Variants in RTL1 observed in about 807,000 individuals in gnomAD.
RTL1 encodes the protein retrotransposon-like protein 1.
For missense variants in RTL1, 1,681 were observed against 1,767.5 expected, an observed-to-expected ratio of 0.95 and a Z score of 0.88; for synonymous variants, 727 against 748.4, an observed-to-expected ratio of 0.97 and a Z score of 0.47.
Position 100,883,462 on chromosome 14 carries a change from C to G in RTL1, c.1327G>C (p.Ala443Pro). ...TAGAGCTCGACGTAGTGCTCTTGGG[C>G]GAACTTCTCATCCATGAAGTTGCCG... ...ADGNFMDEKF[A>P]QEHYVELYEK... The change falls in exon 4 of 4, where the codon GCC becomes CCC. Residue 443 changes from alanine (A) to proline (P), a missense_variant. Transcript: ENST00000649591. The surrounding 1 kb of genome is among the most constrained non-coding windows in gnomAD (Gnocchi z 5.9). 1.3e-6 allele frequency: 2 copies of G among 1,551,106 alleles called. No homozygotes were observed. The highest frequency in any genetic ancestry group is 1.7e-6 in the Non-Finnish European group (2 of 1,146,814).
At chr14:100,898,594 G>C (rs1423454638) in intron 2 of RTL1, among the ~76,000 whole-genome samples, 1 of 152,244 alleles carries the variant, frequency 6.6e-6, no homozygotes, top group Non-Finnish European at 1.5e-5. Context: ...TTTAGGGTCT[G>C]TCTTGGAACT....
intron 2 of RTL1, among the ~76,000 whole-genome samples, chr14:100,894,271 C>T (rs1283931321): frequency 7.0e-6 from 1 of 143,762 alleles, no homozygotes; most frequent in Non-Finnish European, 1.5e-5. Context: ...GATCATGCCA[C>T]TGCACTCCAA....
chr14:100,882,051 A>T lies in RTL1; in HGVS notation c.2738T>A (p.Ile913Asn). 6.2e-7 allele frequency: 1 copy of T among 1,612,468 alleles called. No individual in the cohort carries two copies. The highest frequency in any genetic ancestry group is 8.5e-7 in the Non-Finnish European group (1 of 1,179,284). The change falls in exon 4 of 4, where the codon ATC (isoleucine) becomes AAC (asparagine). Residue 913 changes from isoleucine to asparagine, a missense_variant. Transcript: ENST00000649591. ...CAFYSRNISPIEVEYSQAEMK... is the reference protein window; with the variant it reads ...CAFYSRNISPNEVEYSQAEMK... ...CTCCGCTTGAGAGTACTCAACCTCG[A>T]TAGGGGAGATGTTGCGGGAGTAGAA...
intron 2 of RTL1, among the ~76,000 whole-genome samples, chr14:100,900,482 C>A (rs932280978): frequency 2.0e-5 from 3 of 152,214 alleles, no homozygotes; most frequent in African/African-American, 7.2e-5. Flanking sequence ...TATTTCTCTG[C>A]GGCCATATGT....
intron 2 of RTL1, among the ~76,000 whole-genome samples, chr14:100,899,245 C>T (rs182817288): frequency 1.3e-5 from 2 of 152,190 alleles, no homozygotes; most frequent in African/African-American, 4.8e-5. Flanking sequence ...GCGGGAGTAG[C>T]GTCTCAGTGT....
chr14:100,883,561 A>C lies in RTL1; in HGVS notation c.1228T>G (p.Phe410Val). 1 of 1,551,504 alleles carries C rather than the reference A, an allele frequency of 6.4e-7. No homozygotes were observed. The highest frequency in any genetic ancestry group is 1.7e-4 in the Middle Eastern group (1 of 5,992). ...VHPDINRAHL[F>V]LLLMVRVNPY... ...TTCACTCTCACCATGAGCAGCAGGA[A>C]GAGGTGGGCGCGATTGATGTCCGGA... is the stretch of plus-strand genomic sequence containing the variant. Residue 410 changes from phenylalanine (F) to valine (V), a missense_variant, in exon 4 of 4, where the codon TTC becomes GTC. By Grantham distance (50) the Phe-to-Val change is conservative. Coordinates refer to ENST00000649591, the MANE Select transcript of RTL1 (RefSeq NM_001134888.3). This position sits in a 1 kb window ranked among gnomAD's most constrained non-coding sequence, Gnocchi z 5.9.
At chr14:100,885,184 G>A (rs1218817328) in intron 3 of RTL1, among the ~76,000 whole-genome samples, 1 of 152,212 alleles carries the variant, frequency 6.6e-6, no homozygotes, top group Non-Finnish European at 1.5e-5. Context: ...CGTGGCAGGC[G>A]GGTACCTGGC....
Position 100,881,384 on chromosome 14 carries a change from G to C in RTL1, c.3405C>G (p.Gly1135=). 1.9e-6 allele frequency: 3 copies of C among 1,550,724 alleles called. No individual in the cohort carries two copies. Among genetic ancestry groups the C allele is most frequent in the Non-Finnish European group, 2.6e-6 (3 of 1,146,984 alleles). ...RLILDSSLIA[G]SSITTAITQL... ...GGGTGATGGCTGTCGTGATGCTGCT[G>C]CCTGCGATGAGGGACGAATCCAGGA... Residue 1135 remains glycine, a synonymous_variant, in exon 4 of 4, where the codon GGC becomes GGG. Transcript: ENST00000649591. The surrounding 1 kb of genome is among the most constrained non-coding windows in gnomAD (Gnocchi z 6.6).
intron 3 of RTL1, chr14:100,889,650 C>T (rs1165675854): frequency 6.6e-6 from 1 of 152,228 alleles, no homozygotes; most frequent in Non-Finnish European, 1.5e-5. Flanking sequence ...CTGGGCCAGG[C>T]ACGGTGCTCG....
chr14:100,882,911 T>C lies in RTL1; in HGVS notation c.1878A>G (p.Arg626=), dbSNP rs898185819. The C allele has an allele frequency of 3.7e-6, 6 of 1,606,914 alleles. No individual in the cohort carries two copies. Among genetic ancestry groups the C allele is most frequent in the Non-Finnish European group, 5.1e-6 (6 of 1,176,014 alleles). The change falls in exon 4 of 4, where the codon AGA becomes AGG. Residue 626 remains arginine, a synonymous_variant. Transcript: ENST00000649591. ...CCCAGTATTCCTCCTGTAGCCTGGC[T>C]CTTTCTTGCATCCTGGCACCCACAG... ...WEPVGARMQE[R]ARLQEEYWDL...
rs2038669657 is a variant in RTL1, at chr14:100,884,526, A to G, written c.263T>C (p.Ile88Thr). ...GAGTAGGTCATTGGGTGGATCCTCT[A>G]TTTCCTTACGTGGGCCACTGGATGG... ...EEPSSGPRKEIEDPPNDLLQD... is the reference protein window; with the variant it reads ...EEPSSGPRKETEDPPNDLLQD... The change falls in exon 4 of 4, where the codon ATA becomes ACA. Residue 88 changes from isoleucine (I) to threonine (T), a missense_variant. By Grantham distance (89) the Ile-to-Thr change is moderately conservative. Coordinates refer to ENST00000649591, the MANE Select transcript of RTL1 (RefSeq NM_001134888.3). The G allele has an allele frequency of 6.2e-7, 1 of 1,613,652 alleles. No individual in the cohort carries two copies. Among genetic ancestry groups the G allele is most frequent in the Non-Finnish European group, 8.5e-7 (1 of 1,179,666 alleles).
intron 2 of RTL1, among the ~76,000 whole-genome samples, chr14:100,901,068 C>G (rs1053031346): frequency 2.0e-5 from 3 of 152,232 alleles, no homozygotes; most frequent in Admixed American, 6.5e-5. Context: ...ATGCTGCCCC[C>G]CCACGGCGGG....
At position 100,883,154 on chromosome 14, in the gene RTL1, C is replaced by T. The variant is rs758350855; in HGVS notation, c.1635G>A (p.Glu545=). The T allele has an allele frequency of 2.5e-6, 4 of 1,604,524 alleles. No individual in the cohort carries two copies. The South Asian group carries it at 4.5e-5, about 18-fold the overall frequency. Reference sequence around the variant, plus strand: ...CGGGTAGCAGGCTCATGCCGTGCCTCTCTAGGGCAATGCATGGCGGGGGCG... The same window carrying T: ...CGGGTAGCAGGCTCATGCCGTGCCTTTCTAGGGCAATGCATGGCGGGGGCG... ...FRPPPPCIAL[E]RHGMSLLPGL... Residue 545 remains glutamate (E), a synonymous_variant, in exon 4 of 4, where the codon GAG becomes GAA. Coordinates refer to ENST00000649591, the MANE Select transcript of RTL1 (RefSeq NM_001134888.3). This position sits in a 1 kb window ranked among gnomAD's most constrained non-coding sequence, Gnocchi z 5.9.
chr14:100,891,097 T>C lies in RTL1; in HGVS notation c.-87+2347A>G, dbSNP rs946386291. On this transcript the variant is annotated intron_variant, in intron 3 of 3. Transcript: ENST00000649591. Reference sequence around the variant, plus strand: ...GCTTCCTGAGGGCCTCATAAGGAGTTTGGGTTGGGTCCTGGGGATCCCAGT... The same window carrying C: ...GCTTCCTGAGGGCCTCATAAGGAGTCTGGGTTGGGTCCTGGGGATCCCAGT... 3.3e-5 allele frequency among the ~76,000 whole-genome samples: 5 copies of C among 152,030 alleles called. No individual in the cohort carries two copies. The East Asian group carries it at 9.7e-4, about 30-fold the overall frequency.
intron 2 of RTL1, among the ~76,000 whole-genome samples, chr14:100,900,085 G>A (rs1029263378): frequency 1.3e-5 from 2 of 152,244 alleles, no homozygotes; most frequent in African/African-American, 2.4e-5. Context: ...AGTTTGGTGA[G>A]AGTTTATTTT....
Position 100,883,465 on chromosome 14 carries a change from A to G in RTL1, c.1324T>C (p.Phe442Leu), listed in dbSNP as rs775184824. 12 of 1,551,048 alleles carry G rather than the reference A, an allele frequency of 7.7e-6. No individual in the cohort carries two copies. Among genetic ancestry groups the G allele is most frequent in the African/African-American group, 2.7e-5 (2 of 73,020 alleles). Residue 442 changes from phenylalanine to leucine, a missense_variant, in exon 4 of 4, where the codon TTC (phenylalanine) becomes CTC (leucine). Transcript: ENST00000649591. The surrounding 1 kb of genome is among the most constrained non-coding windows in gnomAD (Gnocchi z 5.9). Reference protein sequence around the residue: ...GADGNFMDEKFAQEHYVELYE... With the variant: ...GADGNFMDEKLAQEHYVELYE... Reference sequence around the variant, plus strand: ...AGCTCGACGTAGTGCTCTTGGGCGAACTTCTCATCCATGAAGTTGCCGTCA... The same window carrying G: ...AGCTCGACGTAGTGCTCTTGGGCGAGCTTCTCATCCATGAAGTTGCCGTCA...
At chr14:100,897,760 G>GGA (rs2038884542) in intron 2 of RTL1, 1 of 159,360 alleles carries the variant, frequency 6.3e-6, no homozygotes. Context: ...GCGGGGGGGG[G>GGA]GGTGGGGGGG....
Position 100,890,138 on chromosome 14 carries a change from T to C in RTL1, c.-87+3306A>G, listed in dbSNP as rs569339453. Among the ~76,000 whole-genome samples, 157 of 149,466 alleles carry C rather than the reference T, an allele frequency of 1.1e-3. 1 individual carries two copies. The highest frequency in any genetic ancestry group is 3.8e-3 in the African/African-American group (154 of 40,844). ...TGCTGGTTTGGGGTCACAACTGCCT[T>C]TGAGGTCTTCGAATGGGACCCTCTT... On this transcript the variant is annotated intron_variant, in intron 3 of 3. Transcript: ENST00000649591.
intron 2 of RTL1, among the ~76,000 whole-genome samples, chr14:100,898,537 C>T (rs1207560863): frequency 1.3e-5 from 2 of 152,210 alleles, no homozygotes; most frequent in African/African-American, 4.8e-5. Flanking sequence ...CTGGAGCTTC[C>T]GGGACGGGGT....
Sources: gnomAD v4.1 joint callset for allele counts (sites outside exome capture counted in the v4.1 genomes callset) on GRCh38, gnomAD v4.1.1 for gene constraint, Gnocchi (gnomAD v3.1) non-coding constraint, MANE v1.5 for transcripts, NCBI Gene and HGNC (gene_info 2026-07-23, HGNC 2026-07-21) for gene names.